FARS2: variants seen among roughly 807,000 people sequenced by gnomAD.
FARS2 encodes phenylalanyl-tRNA synthetase 2, mitochondrial, also known as phenylalanine--tRNA ligase, mitochondrial.
Under a neutral mutation model 46.4 loss-of-function variants are expected in FARS2, and 40 were observed. That is an observed-to-expected ratio of 0.86 (90% CI 0.67 to 1.12). The LOEUF is 1.12. FARS2 is among the 50% of genes most tolerant of loss of function. FARS2 has a pLI of 0.00. For missense variants in FARS2, 513 were observed against 567.9 expected, an observed-to-expected ratio of 0.90 and a Z score of 0.98; for synonymous variants, 234 against 214.9, an observed-to-expected ratio of 1.09 and a Z score of -0.78.
intron 6 of FARS2, among the ~76,000 whole-genome samples, chr6:5,639,630 C>G (rs1328049510): frequency 6.6e-6 from 1 of 152,180 alleles, no homozygotes; most frequent in African/African-American, 2.4e-5. Context: ...GGAATCAGAC[C>G]TACCTTCCTC....
At chr6:5,364,203 T>C (rs1478493775) in intron 1 of FARS2, among the ~76,000 whole-genome samples, 1 of 152,198 alleles carries the variant, frequency 6.6e-6, no homozygotes, top group East Asian at 1.9e-4. Flanking sequence ...ATGAGTTAAT[T>C]AGCTGATGAA....
At chr6:5,373,003 A>G (rs1372612558) in intron 2 of FARS2, among the ~76,000 whole-genome samples, 1 of 152,120 alleles carries the variant, frequency 6.6e-6, no homozygotes, top group Non-Finnish European at 1.5e-5. Flanking sequence ...AGAATAGCAA[A>G]ACCAAATACC....
intron 6 of FARS2, among the ~76,000 whole-genome samples, chr6:5,707,366 A>C (rs1288420062): frequency 6.6e-6 from 1 of 152,352 alleles, no homozygotes; most frequent in Middle Eastern, 3.4e-3. Flanking sequence ...GCCGCTAAGC[A>C]TCTGAAAACC....
intron 4 of FARS2, among the ~76,000 whole-genome samples, chr6:5,455,932 CA>C (rs1764825749): frequency 6.6e-6 from 1 of 152,172 alleles, no homozygotes; most frequent in African/African-American, 2.4e-5. Flanking sequence ...ACTTAACAAA[CA>C]AGGCTGGGCG....
At chr6:5,613,521 T>C (rs1775302167) in intron 6 of FARS2, among the ~76,000 whole-genome samples, 1 of 152,230 alleles carries the variant, frequency 6.6e-6, no homozygotes, top group South Asian at 2.1e-4. Context: ...TTTCCATCTT[T>C]CCTGCCTTAG....
At chr6:5,669,921 A>G (rs1778364452) in intron 6 of FARS2, among the ~76,000 whole-genome samples, 2 of 152,202 alleles carry the variant, frequency 1.3e-5, no homozygotes, top group Admixed American at 1.3e-4. Flanking sequence ...TGCACAGCTC[A>G]TGACCTATGA....
At chr6:5,412,476 G>T (rs1761991732) in intron 3 of FARS2, among the ~76,000 whole-genome samples, 1 of 152,204 alleles carries the variant, frequency 6.6e-6, no homozygotes, top group Admixed American at 6.5e-5. Flanking sequence ...AGCCCAACCT[G>T]CATAGGGACC....
chr6:5,374,622 A>G (rs1759261912), intron 2 of FARS2, among the ~76,000 whole-genome samples: 1 of 152,042 alleles, frequency 6.6e-6, no homozygotes, highest in Non-Finnish European at 1.5e-5. Context: ...TAATATCCCA[A>G]CTAGATAAGA....
In FARS2 at chr6:5,673,943, A is replaced by G. The variant is rs111631453; in HGVS notation, c.1217+60623A>G. Among the ~76,000 whole-genome samples the G allele has an allele frequency of 2.0e-3, 301 of 152,260 alleles. 3 individuals carry two copies. The highest frequency in any genetic ancestry group is 6.9e-3 in the African/African-American group (287 of 41,552). On this transcript the variant is annotated intron_variant, in intron 6 of 6. Transcript: ENST00000274680. ...GGATGGTAGGTTTATGGAATCCTTT[A>G]ATCATTTTACTTATTTGCTTATTTA...
intron 4 of FARS2, among the ~76,000 whole-genome samples, chr6:5,465,051 G>T (rs1765440567): frequency 6.6e-6 from 1 of 152,126 alleles, no homozygotes. Flanking sequence ...TTAGAGTTTT[G>T]AAATTTACTG....
chr6:5,360,351 C>A (rs906620321), intron 1 of FARS2, among the ~76,000 whole-genome samples: 2 of 152,116 alleles, frequency 1.3e-5, no homozygotes, highest in East Asian at 3.9e-4. Context: ...TGTGCCTGAC[C>A]ATCTTATAGA....
chr6:5,308,999 G>A (rs774178443), intron 1 of FARS2, among the ~76,000 whole-genome samples: 19 of 152,064 alleles, frequency 1.2e-4, no homozygotes, highest in Non-Finnish European at 2.4e-4. Context: ...CTTTGCCCCC[G>A]TGATCTAACC....
chr6:5,403,182 G>A (rs1455506527), intron 2 of FARS2, among the ~76,000 whole-genome samples: 1 of 152,154 alleles, frequency 6.6e-6, no homozygotes, highest in Admixed American at 6.5e-5. Context: ...CTCTGAAAAC[G>A]GTTTTGTCTC....
At chr6:5,267,714 A>C (rs2127814185) in intron 1 of FARS2, among the ~76,000 whole-genome samples, 1 of 150,420 alleles carries the variant, frequency 6.6e-6, no homozygotes, top group African/African-American at 2.5e-5. Context: ...AGATCGCACC[A>C]CTGCACTCCA....
chr6:5,256,095 C>G (rs202246926), upstream of FARS2, among the ~76,000 whole-genome samples: 1 of 151,798 alleles, frequency 6.6e-6, no homozygotes, highest in East Asian at 2.0e-4. Context: ...ATTGAGAAAT[C>G]CTAGTTTAAG....
At chr6:5,325,686 A>G (rs1033451516) in intron 1 of FARS2, among the ~76,000 whole-genome samples, 1 of 152,222 alleles carries the variant, frequency 6.6e-6, no homozygotes, top group Non-Finnish European at 1.5e-5. Flanking sequence ...AACATGCTTC[A>G]ATTTATCCTT....
intron 4 of FARS2, among the ~76,000 whole-genome samples, chr6:5,450,685 TGG>T (rs1386749211): frequency 1.3e-5 from 2 of 151,928 alleles, no homozygotes; most frequent in African/African-American, 4.8e-5. Context: ...ACTTGGCGTG[TGG>T]GAGGTAGTGT....
intron 6 of FARS2, among the ~76,000 whole-genome samples, chr6:5,751,579 C>T (rs563943784): frequency 3.9e-5 from 6 of 152,292 alleles, no homozygotes; most frequent in Admixed American, 2.0e-4. Flanking sequence ...TGCCCAACTC[C>T]AAAGGAGGCT....
chr6:5,605,733 A>G (rs1774795047), intron 5 of FARS2, among the ~76,000 whole-genome samples: 1 of 152,204 alleles, frequency 6.6e-6, no homozygotes, highest in African/African-American at 2.4e-5. Flanking sequence ...AAAGTAAAAT[A>G]AAAAAGCTAT....
Sources: allele counts gnomAD v4.1 joint callset (sites outside exome capture counted in the v4.1 genomes callset), GRCh38; gene constraint gnomAD v4.1.1; transcripts MANE v1.5; gene names NCBI Gene and HGNC (gene_info 2026-07-23, HGNC 2026-07-21).